The following COMMD10 variants were observed in gnomAD, a reference collection of about 807,000 sequenced individuals.
COMMD10 encodes the protein COMM domain containing 10, also known as COMM domain-containing protein 10.
A neutral mutation model predicts 28.9 loss-of-function variants in COMMD10; 33 were observed. The ratio of observed to expected loss-of-function variants is 1.14; its 90% CI spans 0.87 to 1.53. The LOEUF (loss-of-function observed/expected upper bound fraction) is 1.53, where lower values mean the gene tolerates loss of function less well. Ranked by LOEUF, COMMD10 falls within the 40% of genes most tolerant of loss-of-function variation. The pLI, the probability that COMMD10 is intolerant of heterozygous loss-of-function variation, is 0.00. For missense variants in COMMD10, 310 were observed against 233.4 expected, an observed-to-expected ratio of 1.33 and a Z score of -2.14; for synonymous variants, 110 against 81.7, an observed-to-expected ratio of 1.35 and a Z score of -1.87.
At chr5:116,244,416 A>G (rs771843400) in intron 5 of COMMD10, among the ~76,000 whole-genome samples, 4 of 152,002 alleles carry the variant, frequency 2.6e-5, no homozygotes, top group Non-Finnish European at 5.9e-5. Flanking sequence ...TGAGGTACCA[A>G]CATCTATGTG....
In COMMD10 at chr5:116,085,032, G is replaced by A. The variant is rs1307828927; in HGVS notation, c.-21G>A. The A allele has an allele frequency of 6.2e-6, 10 of 1,603,296 alleles. No homozygotes were observed. Among genetic ancestry groups the A allele is most frequent in the South Asian group, 2.2e-5 (2 of 89,080 alleles). On this transcript the variant is annotated 5_prime_UTR_variant, in exon 1 of 7. Transcript: ENST00000274458. ...GGGTTCGGCGCAGCTAACAGACGGC[G>A]GCAGTGCGAGAAAGCCGAAGATGGC...
chr5:116,280,122 A>G (rs1386646380), intron 5 of COMMD10, among the ~76,000 whole-genome samples: 1 of 151,900 alleles, frequency 6.6e-6, no homozygotes, highest in Admixed American at 6.6e-5. Context: ...CATCTATTAA[A>G]TAAGAGGATT....
intron 4 of COMMD10, among the ~76,000 whole-genome samples, chr5:116,109,623 A>G (rs1403897253): frequency 6.6e-6 from 1 of 151,984 alleles, no homozygotes; most frequent in Non-Finnish European, 1.5e-5. Flanking sequence ...ATTCCTATGT[A>G]TTGTATTTTT....
chr5:116,222,726 C>G (rs981841762), intron 5 of COMMD10, among the ~76,000 whole-genome samples: 1 of 152,146 alleles, frequency 6.6e-6, no homozygotes, highest in Non-Finnish European at 1.5e-5. Flanking sequence ...GAGTCTTGCT[C>G]TGTTGCCCAG....
chr5:116,164,348 C>A (rs1753023015), intron 5 of COMMD10, among the ~76,000 whole-genome samples: 1 of 151,958 alleles, frequency 6.6e-6, no homozygotes, highest in Non-Finnish European at 1.5e-5. Context: ...AATAAAAAAC[C>A]ACTCTGGATT....
At chr5:116,248,721 C>T (rs1370259202) in intron 5 of COMMD10, among the ~76,000 whole-genome samples, 1 of 151,760 alleles carries the variant, frequency 6.6e-6, no homozygotes, top group Non-Finnish European at 1.5e-5. Context: ...TCTTGTTTTC[C>T]TTTTCTACCA....
At chr5:116,270,036 T>C (rs557400969) in intron 5 of COMMD10, among the ~76,000 whole-genome samples, 4 of 41,936 alleles carry the variant, frequency 9.5e-5, no homozygotes, top group Non-Finnish European at 5.0e-5. Context: ...GGTTAGTAAA[T>C]GGACAGCATT....
At chr5:116,217,384 C>A (rs1026076486) in intron 5 of COMMD10, among the ~76,000 whole-genome samples, 9 of 152,306 alleles carry the variant, frequency 5.9e-5, no homozygotes, top group African/African-American at 2.2e-4. Context: ...AAGTCTTCAT[C>A]TGATGCTCTG....
At chr5:116,239,983 C>T (rs1287681454) in intron 5 of COMMD10, among the ~76,000 whole-genome samples, 2 of 152,060 alleles carry the variant, frequency 1.3e-5, no homozygotes, top group Non-Finnish European at 2.9e-5. Context: ...GTGGTAGTCT[C>T]AGAGTAGAAG....
chr5:116,189,257 CA>C (rs1748263691), intron 5 of COMMD10, among the ~76,000 whole-genome samples: 1 of 151,944 alleles, frequency 6.6e-6, no homozygotes, highest in Admixed American at 6.6e-5. Flanking sequence ...GACATAGCAA[CA>C]GTTTAGAATT....
intron 5 of COMMD10, among the ~76,000 whole-genome samples, chr5:116,260,441 T>C (rs1750412933): frequency 6.6e-6 from 1 of 151,868 alleles, no homozygotes; most frequent in Non-Finnish European, 1.5e-5. Context: ...ATGGATTGTT[T>C]TGACATATTC....
intron 5 of COMMD10, among the ~76,000 whole-genome samples, chr5:116,179,125 G>T (rs1580524735): frequency 6.6e-6 from 1 of 152,010 alleles, no homozygotes; most frequent in Non-Finnish European, 1.5e-5. Context: ...TGCTTGCTGA[G>T]TTTGCAAAAA....
At position 116,289,942 on chromosome 5, in the gene COMMD10, T is replaced by C. The variant is rs979435420; in HGVS notation, c.511-1575T>C. Among the ~76,000 whole-genome samples the C allele has an allele frequency of 1.4e-4, 21 of 152,048 alleles. 1 individual carries two copies. Among genetic ancestry groups the C allele is most frequent in the African/African-American group, 4.8e-4 (20 of 41,324 alleles). On this transcript the variant is annotated intron_variant, in intron 5 of 6. Coordinates refer to ENST00000274458, the MANE Select transcript of COMMD10 (RefSeq NM_016144.4). ...CTATAGCTATTGTTCTTTTAAGAAGTATGTTTTCGAAGTTACATTTCTTCT... is the reference window on the plus strand; with the variant it reads ...CTATAGCTATTGTTCTTTTAAGAAGCATGTTTTCGAAGTTACATTTCTTCT...
rs200793711 is a variant in COMMD10 at position 116,210,333 on chromosome 5, TAC to T, written c.510+76157_510+76158del. On this transcript the variant is annotated intron_variant, in intron 5 of 6. Coordinates refer to ENST00000274458, the MANE Select transcript of COMMD10 (RefSeq NM_016144.4). ...TTATGTATGTATTTATATATATATA[TAC>T]ATATATATACACGCAAGCACACATA... 6.8e-3 allele frequency among the ~76,000 whole-genome samples: 1,023 copies of T among 151,498 alleles called. 16 individuals are homozygous for T. Among genetic ancestry groups the T allele is most frequent in the African/African-American group, 0.024 (989 of 41,328 alleles).
chr5:116,221,260 A>C (rs902602734), intron 5 of COMMD10, among the ~76,000 whole-genome samples: 4 of 151,792 alleles, frequency 2.6e-5, no homozygotes, highest in Non-Finnish European at 4.4e-5. Flanking sequence ...AATGACCCCA[A>C]ATTTCCAGCC....
In COMMD10 at chr5:116,283,315, A is replaced by C. The variant is rs182241394; in HGVS notation, c.511-8202A>C. ...GTATGGAAGGGTGTGTATGTATATC[A>C]ATATCTTGGCCTATCTAGCTATCAC... is the stretch of plus-strand genomic sequence containing the variant. On this transcript the variant is annotated intron_variant, in intron 5 of 6. Coordinates refer to ENST00000274458, the MANE Select transcript of COMMD10 (RefSeq NM_016144.4). Among the ~76,000 whole-genome samples the C allele has an allele frequency of 1.1e-3, 161 of 151,812 alleles. 7 individuals are homozygous for C. The highest frequency in any genetic ancestry group is 3.9e-3 in the African/African-American group (159 of 41,206).
At chr5:116,264,057 A>G (rs962626932) in intron 5 of COMMD10, among the ~76,000 whole-genome samples, 1 of 151,814 alleles carries the variant, frequency 6.6e-6, no homozygotes, top group Non-Finnish European at 1.5e-5. Context: ...GTGTGAACCT[A>G]TGTACCTACT....
chr5:116,254,953 C>A (rs985471656), intron 5 of COMMD10, among the ~76,000 whole-genome samples: 3 of 150,430 alleles, frequency 2.0e-5, no homozygotes, highest in African/African-American at 7.4e-5. Context: ...GTAGGTCACT[C>A]AGGACTTGCT....
chr5:116,177,916 A>T (rs1270938664), intron 5 of COMMD10, among the ~76,000 whole-genome samples: 1 of 151,524 alleles, frequency 6.6e-6, no homozygotes, highest in Non-Finnish European at 1.5e-5. Flanking sequence ...TGCTTAATAA[A>T]CGTTTATTAT....
Sources: gnomAD v4.1 joint callset for allele counts (sites outside exome capture counted in the v4.1 genomes callset) on GRCh38, gnomAD v4.1.1 for gene constraint, MANE v1.5 for transcripts, NCBI Gene and HGNC (gene_info 2026-07-23, HGNC 2026-07-21) for gene names.